PKIG: variants seen among roughly 807,000 people sequenced by gnomAD.
PKIG encodes protein kinase (cAMP-dependent, catalytic) inhibitor gamma.
In PKIG, 1 loss-of-function variant was observed where a neutral mutation model predicts 6.8. That is an observed-to-expected ratio of 0.15 (90% CI 0.05 to 0.69). PKIG has a LOEUF of 0.69. Among genes scored for constraint, PKIG ranks in the 30% least tolerant of loss-of-function variants. The pLI is 0.82. For synonymous variants in PKIG, 39 were observed against 43.0 expected (o/e 0.91, Z 0.36); for missense variants, 77 against 104.0 (o/e 0.74, Z 1.13).
chr20:44,555,281 T>C (rs1254946996), intron 1 of PKIG, among the ~76,000 whole-genome samples: 1 of 152,230 alleles, frequency 6.6e-6, no homozygotes, highest in African/African-American at 2.4e-5. Flanking sequence ...CTTTGTTTTA[T>C]TCCTTTTACA....
chr20:44,569,238 T>C (rs76666440), intron 1 of PKIG, among the ~76,000 whole-genome samples: 9,191 of 152,300 alleles, frequency 0.06, 333 homozygotes, highest in African/African-American at 0.093. Context: ...ATAAGGCACA[T>C]GTCTAGTAGA....
chr20:44,559,320 C>G lies in PKIG; in HGVS notation c.-240-23265C>G, dbSNP rs202066129. Among the ~76,000 whole-genome samples, 4 of 152,258 alleles carry G rather than the reference C, an allele frequency of 2.6e-5. No individual in the cohort carries two copies. In the East Asian group the frequency reaches 7.7e-4, roughly 29 times the overall value. ...AATCTATAAATGAGATCATATTATA[C>G]AAACTATTCTACTGCTATTGTTCAC... On this transcript the variant is annotated intron_variant, in intron 1 of 4. Transcript: ENST00000372887.
chr20:44,535,211 G>T (rs2064501648), intron 1 of PKIG, among the ~76,000 whole-genome samples: 1 of 152,138 alleles, frequency 6.6e-6, no homozygotes, highest in South Asian at 2.1e-4. Context: ...ATGGGGATGG[G>T]ATGACAGGAT....
chr20:44,544,925 CTTT>C (rs796482642), intron 1 of PKIG, among the ~76,000 whole-genome samples: 905 of 64,146 alleles, frequency 0.014, 1 homozygote, highest in Non-Finnish European at 0.019. Context: ...TTCCTTCTTT[CTTT>C]TTTTTTTTTT....
intron 1 of PKIG, among the ~76,000 whole-genome samples, chr20:44,540,133 G>A (rs1246467676): frequency 1.3e-5 from 2 of 151,670 alleles, no homozygotes; most frequent in African/African-American, 2.4e-5. Context: ...GCTAATTTTC[G>A]TATTTTTAGT....
rs961434716 is a variant in PKIG, at chr20:44,569,614, A to AT, written c.-240-12962dup. Among the ~76,000 whole-genome samples the AT allele has an allele frequency of 1.5e-4, 22 of 150,816 alleles. 1 individual carries two copies. The highest frequency in any genetic ancestry group is 3.4e-4 in the African/African-American group (14 of 41,158). On this transcript the variant is annotated intron_variant, in intron 1 of 4. Coordinates refer to the PKIG transcript ENST00000372887. ...GTTATTTTATTTTGTCATTTTATTT[A>AT]TTTTTTTTTGAGGTGGAGTTTTACT...
At chr20:44,576,660 C>T (rs968140835) in intron 1 of PKIG, among the ~76,000 whole-genome samples, 1 of 152,088 alleles carries the variant, frequency 6.6e-6, no homozygotes, top group Middle Eastern at 3.2e-3. Flanking sequence ...ATTCCTCACC[C>T]CTAAAATGAG....
In PKIG at chr20:44,618,443, G is replaced by C; in HGVS notation, c.*79G>C. The C allele has an allele frequency of 2.1e-6, 2 of 965,484 alleles. No homozygotes were observed. Among genetic ancestry groups the C allele is most frequent in the Non-Finnish European group, 3.4e-6 (2 of 592,426 alleles). 59.8% of individuals were successfully genotyped at this position (965,484 alleles called of 1,614,324 possible). A position where few individuals can be genotyped will look rare whatever the true frequency, so the allele number is the denominator to read the frequency against. ...GGGGAACCCTGGCACTGGCCCAGCA[G>C]CCTCTTCTCTGAGCTCCATGTCCCA... is the stretch of plus-strand genomic sequence containing the variant. On this transcript the variant is annotated 3_prime_UTR_variant, in exon 4 of 4. Coordinates refer to ENST00000372886, the MANE Select transcript of PKIG (RefSeq NM_001281445.2).
At chr20:44,563,736 G>T (rs1016518812) in intron 1 of PKIG, among the ~76,000 whole-genome samples, 1 of 151,966 alleles carries the variant, frequency 6.6e-6, no homozygotes, top group Admixed American at 6.6e-5. Flanking sequence ...TTACTGTGTT[G>T]CCCAGACTGG....
intron 1 of PKIG, among the ~76,000 whole-genome samples, chr20:44,538,624 A>AC (rs2064533730): frequency 6.6e-6 from 1 of 152,108 alleles, no homozygotes; most frequent in African/African-American, 2.4e-5. Flanking sequence ...TGAATACTGT[A>AC]CTTCAATATA....
At chr20:44,593,364 A>AAC (rs55947972) in intron 2 of PKIG, among the ~76,000 whole-genome samples, 4,152 of 132,484 alleles carry the variant, frequency 0.031, 107 homozygotes, top group East Asian at 0.14. Flanking sequence ...TATAATAATC[A>AAC]ACACACACAC....
chr20:44,534,661 G>T (rs950462356), intron 1 of PKIG, among the ~76,000 whole-genome samples: 5 of 151,860 alleles, frequency 3.3e-5, no homozygotes, highest in Non-Finnish European at 5.9e-5. Context: ...TAGAGATGAG[G>T]TTTTGCCATG....
intron 2 of PKIG, among the ~76,000 whole-genome samples, chr20:44,605,201 CG>C (rs2123443294): frequency 6.6e-6 from 1 of 151,678 alleles, no homozygotes; most frequent in East Asian, 1.9e-4. Context: ...GCCAGGAGAT[CG>C]AGACCATCCT....
chr20:44,615,882 G>A (rs528106864), intron 3 of PKIG, among the ~76,000 whole-genome samples: 1 of 152,260 alleles, frequency 6.6e-6, no homozygotes, highest in South Asian at 2.1e-4. Flanking sequence ...GGGCCACCCA[G>A]GGAGTTAACA....
At chr20:44,547,804 G>C (rs1460774274) in intron 1 of PKIG, among the ~76,000 whole-genome samples, 1 of 152,168 alleles carries the variant, frequency 6.6e-6, no homozygotes, top group African/African-American at 2.4e-5. Flanking sequence ...GGAGGCCAAG[G>C]TGGGCGGATC....
intron 1 of PKIG, among the ~76,000 whole-genome samples, chr20:44,555,338 C>A (rs244125): frequency 0.68 from 103,536 of 152,028 alleles, 35,570 homozygotes; most frequent in Admixed American, 0.75. Flanking sequence ...AAAACACTGA[C>A]ATCTATTTAC....
At chr20:44,536,333 A>C (rs1393963838) in intron 1 of PKIG, among the ~76,000 whole-genome samples, 1 of 152,192 alleles carries the variant, frequency 6.6e-6, no homozygotes, top group African/African-American at 2.4e-5. Flanking sequence ...TCTGTTCCTC[A>C]TTGCCCTAAT....
chr20:44,570,853 A>G (rs1445478420), intron 1 of PKIG, among the ~76,000 whole-genome samples: 1 of 152,196 alleles, frequency 6.6e-6, no homozygotes, highest in East Asian at 1.9e-4. Flanking sequence ...AGTTTTTCTG[A>G]AGAAGTGACA....
intron 2 of PKIG, among the ~76,000 whole-genome samples, chr20:44,606,633 A>T (rs899788813): frequency 1.3e-5 from 2 of 152,056 alleles, no homozygotes; most frequent in Admixed American, 6.5e-5. Context: ...ACATGGTGAA[A>T]CCTCATCTCT....
Sources: gnomAD v4.1 joint callset for allele counts (sites outside exome capture counted in the v4.1 genomes callset) on GRCh38, gnomAD v4.1.1 for gene constraint, MANE v1.5 for transcripts, NCBI Gene and HGNC (gene_info 2026-07-23, HGNC 2026-07-21) for gene names.